Variants in TGFBI observed in about 807,000 individuals in gnomAD.
The protein encoded by TGFBI is transforming growth factor beta induced.
A neutral mutation model predicts 73.7 loss-of-function variants in TGFBI; 50 were observed. The ratio of observed to expected loss-of-function variants is 0.68; its 90% CI spans 0.54 to 0.86. The LOEUF (loss-of-function observed/expected upper bound fraction) is 0.86. Ranked by LOEUF, TGFBI falls within the 40% of genes least tolerant of loss-of-function variation. TGFBI has a pLI of 0.00. For missense variants in TGFBI, 839 were observed against 877.0 expected, an observed-to-expected ratio of 0.96 and a Z score of 0.55; for synonymous variants, 362 against 360.5, an observed-to-expected ratio of 1.00 and a Z score of -0.05.
intron 7 of TGFBI, among the ~76,000 whole-genome samples, chr5:136,051,217 G>T (rs1411441237): frequency 6.6e-6 from 1 of 152,110 alleles, no homozygotes; most frequent in African/African-American, 2.4e-5. Context: ...ATCACTTGAG[G>T]CTGAGAGTTC....
chr5:136,034,352 T>C (rs1751180285), intron 2 of TGFBI, among the ~76,000 whole-genome samples: 1 of 151,978 alleles, frequency 6.6e-6, no homozygotes, highest in Non-Finnish European at 1.5e-5. Flanking sequence ...GACTTCCTCA[T>C]TCAAACCCTA....
intron 14 of TGFBI, chr5:136,061,289 C>T: frequency 1.7e-6 from 1 of 598,384 alleles, no homozygotes; most frequent in Non-Finnish European, 3.0e-6. Flanking sequence ...AGTTGAACCT[C>T]AGTCCTGCCT....
chr5:136,052,162 C>T (rs1751548748), intron 7 of TGFBI, among the ~76,000 whole-genome samples: 2 of 152,354 alleles, frequency 1.3e-5, no homozygotes, highest in South Asian at 4.1e-4. Context: ...GCAGGAGTCA[C>T]GATGGGTCAG....
intron 2 of TGFBI, among the ~76,000 whole-genome samples, chr5:136,041,963 G>C (rs1468513424): frequency 1.3e-5 from 2 of 152,208 alleles, no homozygotes; most frequent in Non-Finnish European, 2.9e-5. Context: ...GCCATAGAGA[G>C]TACTGCACCC....
chr5:136,054,109 T>G, intron 9 of TGFBI, 29 bp downstream of exon 9: 1 of 1,605,574 alleles, frequency 6.2e-7, no homozygotes, highest in Non-Finnish European at 8.5e-7. Context: ...CCCTGTTAGA[T>G]TGTCCCTGGA....
chr5:136,049,668 C>A, intron 7 of TGFBI, 88 bp downstream of exon 7: 1 of 1,477,044 alleles, frequency 6.8e-7, no homozygotes, highest in Admixed American at 2.0e-5. Context: ...AACATACCAC[C>A]TGCCATGAGG....
chr5:136,043,578 G>C (rs1751375914), intron 2 of TGFBI, among the ~76,000 whole-genome samples: 1 of 152,180 alleles, frequency 6.6e-6, no homozygotes, highest in Non-Finnish European at 1.5e-5. Context: ...ATACACATAT[G>C]TGTTTTACAG....
Position 136,055,833 on chromosome 5 carries a change from C to A in TGFBI, c.1547+17C>A. 6.3e-7 allele frequency: 1 copy of A among 1,586,896 alleles called. No individual in the cohort carries two copies. Among genetic ancestry groups the A allele is most frequent in the South Asian group, 1.1e-5 (1 of 87,846 alleles). On this transcript the variant is annotated intron_variant, in intron 11 of 16. Transcript: ENST00000442011. ...TCGCTTTAGGTAATTAGTTCCATCC[C>A]CGGGTGGAGCTTCTGCCCAGTGGTC...
At chr5:136,029,282 G>T in intron 1 of TGFBI, 93 bp downstream of exon 1, 7 of 1,319,888 alleles carry the variant, frequency 5.3e-6, no homozygotes, top group Admixed American at 3.4e-5. Context: ...GGCTGGGGGC[G>T]CAGGGGACAA....
intron 2 of TGFBI, among the ~76,000 whole-genome samples, chr5:136,041,280 GCC>G (rs1450387321): frequency 6.6e-6 from 1 of 152,244 alleles, no homozygotes; most frequent in Non-Finnish European, 1.5e-5. Flanking sequence ...CCAGGAAAAA[GCC>G]CTTGGCACGA....
At chr5:136,032,101 A>T (rs1751131264) in intron 1 of TGFBI, among the ~76,000 whole-genome samples, 1 of 152,226 alleles carries the variant, frequency 6.6e-6, no homozygotes, top group Non-Finnish European at 1.5e-5. Context: ...AGGACTCTTC[A>T]GGGGTTATTC....
intron 2 of TGFBI, among the ~76,000 whole-genome samples, chr5:136,035,541 C>T (rs952181413): frequency 5.1e-4 from 76 of 148,702 alleles, no homozygotes; most frequent in Non-Finnish European, 9.0e-4. Flanking sequence ...AGGAGAATGG[C>T]GTGAACCTGG....
intron 8 of TGFBI, among the ~76,000 whole-genome samples, chr5:136,053,736 C>T (rs6889640): frequency 1.3e-5 from 2 of 151,892 alleles, no homozygotes; most frequent in East Asian, 3.9e-4. Flanking sequence ...ACTGAGCTCA[C>T]CTCTCCTCCC....
chr5:136,060,960 T>C (rs1751736967), intron 14 of TGFBI, 24 bp downstream of exon 14: 2 of 1,508,938 alleles, frequency 1.3e-6, no homozygotes, highest in Non-Finnish European at 1.8e-6. Context: ...CCCCACTGAC[T>C]CTGCAGCCAG....
chr5:136,052,804 CA>C, intron 7 of TGFBI, 102 bp from the exon 8 acceptor site: 1 of 1,142,288 alleles, frequency 8.8e-7, no homozygotes, highest in Non-Finnish European at 1.3e-6. Context: ...TGAGGGTCCT[CA>C]TCTGAGAGAA....
At chr5:136,034,174 G>T (rs1235809391) in intron 2 of TGFBI, among the ~76,000 whole-genome samples, 1 of 151,976 alleles carries the variant, frequency 6.6e-6, no homozygotes, top group Non-Finnish European at 1.5e-5. Flanking sequence ...ATACAGATAT[G>T]CAGTGGAGAA....
Position 136,029,124 on chromosome 5 carries a change from G to A in TGFBI, c.69G>A (p.Ala23=). 1 of 1,525,372 alleles carries A rather than the reference G, an allele frequency of 6.6e-7. No individual in the cohort carries two copies. 94.5% of individuals were successfully genotyped at this position (1,525,372 alleles called of 1,614,324 possible). ...CCCTGGGCCCCGCCGCGACCCTGGC[G>A]GGTCCCGCCAAGTCGCCCTACCAGC... The part of the protein sequence containing the change: ...ALALGPAATL[A]GPAKSPYQLV... Residue 23 remains alanine, a synonymous_variant, in exon 1 of 17, where the codon GCG becomes GCA. Coordinates refer to ENST00000442011, the MANE Select transcript of TGFBI (RefSeq NM_000358.3).
chr5:136,059,215 G>GT lies in TGFBI; in HGVS notation c.1803+2dup. ...AGGTGACAAGCTGGAAGTCAGCTTG[G>GT]TAAGTGTCCTGCAAATCAAAGGCTG... On this transcript the variant is annotated splice_donor_variant, in intron 13 of 16. Transcript: ENST00000442011. LOFTEE classifies it high-confidence loss of function. 1 of 1,609,348 alleles carries GT rather than the reference G, an allele frequency of 6.2e-7. No individual in the cohort carries two copies. The highest frequency in any genetic ancestry group is 1.1e-5 in the South Asian group (1 of 89,588).
At chr5:136,038,006 CT>C (rs1751258692) in intron 2 of TGFBI, among the ~76,000 whole-genome samples, 1 of 152,166 alleles carries the variant, frequency 6.6e-6, no homozygotes, top group African/African-American at 2.4e-5. Context: ...CAGACCCATA[CT>C]AGTGCCTCCT....
Sources: gnomAD v4.1 joint callset for allele counts (sites outside exome capture counted in the v4.1 genomes callset) on GRCh38, gnomAD v4.1.1 for gene constraint, MANE v1.5 for transcripts, NCBI Gene and HGNC (gene_info 2026-07-23, HGNC 2026-07-21) for gene names.